The following CORO2B variants were observed in gnomAD, a reference collection of about 807,000 sequenced individuals.
CORO2B encodes coronin 2B.
CORO2B carries 26 observed loss-of-function variants against 58.8 expected under a neutral mutation model. The ratio of observed to expected loss-of-function variants is 0.44; its 90% CI spans 0.32 to 0.61. The LOEUF (loss-of-function observed/expected upper bound fraction) is 0.61, where lower values mean the gene tolerates loss of function less well. CORO2B is among the 20% of genes least tolerant of loss of function. The probability of loss-of-function intolerance (pLI) is 0.04; values close to 1 mark genes in which losing one functional copy is unlikely to be tolerated. For synonymous variants in CORO2B, 242 were observed against 253.8 expected (o/e 0.95, Z 0.44); for missense variants, 460 against 645.1 (o/e 0.71, Z 3.11).
At chr15:68,626,594 G>A (rs1255242168) in intron 1 of CORO2B, among the ~76,000 whole-genome samples, 2 of 152,164 alleles carry the variant, frequency 1.3e-5, no homozygotes, top group African/African-American at 2.4e-5. Context: ...CTTTGAGTGA[G>A]GGGAGGAGGA....
chr15:68,553,688 A>G, the CORO2B span, among the ~76,000 whole-genome samples: 6 of 152,220 alleles, frequency 3.9e-5, no homozygotes, highest in African/African-American at 1.4e-4. Flanking sequence ...AAGAACTGGG[A>G]GTGACTCCAG....
At chr15:68,708,430 G>A (rs1230235656) in intron 3 of CORO2B, among the ~76,000 whole-genome samples, 1 of 141,176 alleles carries the variant, frequency 7.1e-6, no homozygotes, top group Non-Finnish European at 1.5e-5. Context: ...ACGTGATCTC[G>A]GCTCACTGCA....
intron 1 of CORO2B, among the ~76,000 whole-genome samples, chr15:68,602,530 C>T (rs1384230245): frequency 6.6e-6 from 1 of 152,090 alleles, no homozygotes; most frequent in African/African-American, 2.4e-5. Context: ...AGCGCTCTTG[C>T]TGTGTCTTTA....
At chr15:68,558,843 T>C in the CORO2B span, among the ~76,000 whole-genome samples, 8 of 152,076 alleles carry the variant, frequency 5.3e-5, no homozygotes, top group African/African-American at 9.7e-5. Flanking sequence ...CTGGGTAACA[T>C]TGGCCAAGTT....
chr15:68,635,922 G>T (rs1487543578), intron 1 of CORO2B, among the ~76,000 whole-genome samples: 1 of 152,108 alleles, frequency 6.6e-6, no homozygotes, highest in African/African-American at 2.4e-5. Context: ...TGGTAAGCCT[G>T]GAAAAATAAG....
At chr15:68,602,106 A>G (rs998925817) in intron 1 of CORO2B, among the ~76,000 whole-genome samples, 5 of 151,066 alleles carry the variant, frequency 3.3e-5, no homozygotes, top group Non-Finnish European at 7.4e-5. Flanking sequence ...CTCGAATACT[A>G]TCACATTGGC....
At chr15:68,610,914 C>T (rs1262089628) in intron 1 of CORO2B, among the ~76,000 whole-genome samples, 2 of 152,202 alleles carry the variant, frequency 1.3e-5, no homozygotes, top group South Asian at 2.1e-4. Flanking sequence ...GCAGGTAGCA[C>T]CTTCCATTCC....
Position 68,671,424 on chromosome 15 carries a change from C to G in CORO2B, c.217-23716C>G, listed in dbSNP as rs558434841. Among the ~76,000 whole-genome samples the G allele has an allele frequency of 5.3e-5, 8 of 152,310 alleles. No homozygotes were observed. In the South Asian group the frequency reaches 1.7e-3, roughly 32 times the overall value. ...CCACATGGCTTACCTGCCTCAGTTTCCCATATCAAAATCTGAGATGATAAT... is the reference window on the plus strand; with the variant it reads ...CCACATGGCTTACCTGCCTCAGTTTGCCATATCAAAATCTGAGATGATAAT... On this transcript the variant is annotated intron_variant, in intron 2 of 11. Transcript: ENST00000261861.
the CORO2B span, among the ~76,000 whole-genome samples, chr15:68,568,212 G>A: frequency 2.5e-4 from 38 of 152,226 alleles, no homozygotes; most frequent in Non-Finnish European, 1.8e-4. Context: ...CTGACCAGCG[G>A]TATGACCCAG....
chr15:68,574,752 T>G (rs912014393), upstream of CORO2B, among the ~76,000 whole-genome samples: 22 of 152,194 alleles, frequency 1.4e-4, no homozygotes, highest in African/African-American at 5.1e-4. Context: ...CAAATATATT[T>G]CATTATGATT....
intron 1 of CORO2B, among the ~76,000 whole-genome samples, chr15:68,616,346 G>C (rs981813122): frequency 2.0e-5 from 3 of 152,184 alleles, no homozygotes; most frequent in Non-Finnish European, 4.4e-5. Context: ...GGTCATCCTA[G>C]TTTCTTCTCA....
At chr15:68,555,105 C>T in the CORO2B span, among the ~76,000 whole-genome samples, 1 of 152,146 alleles carries the variant, frequency 6.6e-6, no homozygotes, top group Non-Finnish European at 1.5e-5. Flanking sequence ...GGGCACCAAC[C>T]CTCTCCTAGG....
At chr15:68,661,230 G>T (rs969788645) in intron 2 of CORO2B, among the ~76,000 whole-genome samples, 2 of 152,032 alleles carry the variant, frequency 1.3e-5, no homozygotes, top group Non-Finnish European at 2.9e-5. Context: ...CACCCACCTC[G>T]GCCTCCCAAA....
chr15:68,650,806 T>G (rs1901617569), intron 2 of CORO2B, among the ~76,000 whole-genome samples: 1 of 152,178 alleles, frequency 6.6e-6, no homozygotes, highest in African/African-American at 2.4e-5. Context: ...AATTCGCTGA[T>G]GTGAAGAGGG....
At chr15:68,691,064 T>TCACG (rs1892350576) in intron 2 of CORO2B, among the ~76,000 whole-genome samples, 1 of 150,782 alleles carries the variant, frequency 6.6e-6, no homozygotes, top group African/African-American at 2.4e-5. Flanking sequence ...GTGCGGTGGC[T>TCACG]CACGCCTGTA....
intron 1 of CORO2B, among the ~76,000 whole-genome samples, chr15:68,583,253 A>G (rs1424315458): frequency 2.0e-5 from 3 of 152,224 alleles, no homozygotes; most frequent in South Asian, 2.1e-4. Context: ...GGGCCCCTAC[A>G]GAGTCACCCA....
intron 1 of CORO2B, among the ~76,000 whole-genome samples, chr15:68,614,305 A>G: frequency 6.6e-6 from 1 of 152,238 alleles, no homozygotes; most frequent in East Asian, 1.9e-4. Flanking sequence ...TTCTATTTAA[A>G]TATATTGCAA....
chr15:68,519,028 G>A, the CORO2B span, among the ~76,000 whole-genome samples: 1 of 152,118 alleles, frequency 6.6e-6, no homozygotes, highest in African/African-American at 2.4e-5. Context: ...GAGTATGCAC[G>A]GCCCAGGACT....
intron 8 of CORO2B, 60 bp downstream of exon 8, chr15:68,715,371 C>T: frequency 8.4e-7 from 1 of 1,187,892 alleles, no homozygotes; most frequent in Non-Finnish European, 1.2e-6. Flanking sequence ...ACATCTGGCC[C>T]ATGGGTCACC....
Sources: gnomAD v4.1 joint callset for allele counts (sites outside exome capture counted in the v4.1 genomes callset) on GRCh38, gnomAD v4.1.1 for gene constraint, MANE v1.5 for transcripts, NCBI Gene and HGNC (gene_info 2026-07-23, HGNC 2026-07-21) for gene names.